RAB1A: variants seen among roughly 807,000 people sequenced by gnomAD.
The protein encoded by RAB1A is ras-related protein Rab-1A.
RAB1A carries 2 observed loss-of-function variants against 26.0 expected under a neutral mutation model. The ratio of observed to expected loss-of-function variants is 0.08; its 90% CI spans 0.03 to 0.24. The LOEUF (loss-of-function observed/expected upper bound fraction) is 0.24, where lower values mean the gene tolerates loss of function less well. Ranked by LOEUF, RAB1A falls within the 10% of genes least tolerant of loss-of-function variation. The pLI, the probability that RAB1A is intolerant of heterozygous loss-of-function variation, is 1.00. For synonymous variants in RAB1A, 84 were observed against 84.9 expected (o/e 0.99, Z 0.06); for missense variants, 100 against 247.0 (o/e 0.40, Z 3.99).
intron 1 of RAB1A, among the ~76,000 whole-genome samples, chr2:65,109,539 A>AC (rs2103857932): frequency 6.7e-6 from 1 of 149,514 alleles, no homozygotes; most frequent in South Asian, 2.1e-4. Flanking sequence ...CCCCGTCTCT[A>AC]CTAAAAAAAA....
At chr2:65,114,864 CAA>C (rs35748219) in intron 1 of RAB1A, among the ~76,000 whole-genome samples, 1 of 146,792 alleles carries the variant, frequency 6.8e-6, no homozygotes, top group East Asian at 2.0e-4. Flanking sequence ...AAAAAAAAAA[CAA>C]AAAAAAAACC....
rs183264570 is a variant in RAB1A, at chr2:65,088,916, T to C, written c.420+23A>G. On this transcript the variant is annotated intron_variant, in intron 5 of 5. Coordinates refer to ENST00000409784, the MANE Select transcript of RAB1A (RefSeq NM_004161.5). ...TAATTCAACACCTTCAAATTCAGTA[T>C]GAAAATTAAACTTTAAACATACCTT... The C allele has an allele frequency of 1.3e-4, 211 of 1,582,034 alleles. No homozygotes were observed. In the African/African-American group the frequency reaches 2.5e-3, roughly 18 times the overall value.
intron 2 of RAB1A, 64 bp from the exon 3 acceptor site, chr2:65,098,130 G>GGA: frequency 2.5e-5 from 18 of 730,912 alleles, no homozygotes; most frequent in South Asian, 8.2e-5. Context: ...AGTCTAAGTG[G>GGA]AAAAAAAAAA....
intron 1 of RAB1A, among the ~76,000 whole-genome samples, chr2:65,115,038 C>T (rs1669793849): frequency 1.3e-5 from 2 of 152,112 alleles, no homozygotes; most frequent in South Asian, 4.2e-4. Context: ...TTGACATACT[C>T]ACTTGCCTTT....
chr2:65,104,822 G>C lies in RAB1A; in HGVS notation c.24-16C>G. On this transcript the variant is annotated splice_polypyrimidine_tract_variant and intron_variant, in intron 1 of 5. Coordinates refer to ENST00000409784, the MANE Select transcript of RAB1A (RefSeq NM_004161.5). ...TAAATAATCACTGCAAAAAGAAAAA[G>C]AAAATGATGTTAATAAAAAGCACAC... 1.9e-6 allele frequency: 3 copies of C among 1,591,482 alleles called. No individual in the cohort carries two copies. Among genetic ancestry groups the C allele is most frequent in the Non-Finnish European group, 2.6e-6 (3 of 1,160,028 alleles).
At chr2:65,103,853 A>G (rs1669494287) in intron 2 of RAB1A, among the ~76,000 whole-genome samples, 1 of 151,672 alleles carries the variant, frequency 6.6e-6, no homozygotes, top group Non-Finnish European at 1.5e-5. Flanking sequence ...ATCTCAGCTC[A>G]CTGCAACCTC....
At chr2:65,095,234 C>T (rs191779232) in intron 3 of RAB1A, among the ~76,000 whole-genome samples, 37 of 152,158 alleles carry the variant, frequency 2.4e-4, no homozygotes, top group Admixed American at 2.1e-3. Context: ...GAGGTTTCGC[C>T]ATGTTGCTCA....
intron 1 of RAB1A, among the ~76,000 whole-genome samples, chr2:65,119,841 C>CCA (rs1236103011): frequency 0.34 from 13,705 of 39,902 alleles, 2,484 homozygotes; most frequent in East Asian, 0.5. Flanking sequence ...CCTGTCTCTA[C>CCA]AAAAAAAAAA....
At chr2:65,106,546 T>C (rs1669565455) in intron 1 of RAB1A, among the ~76,000 whole-genome samples, 1 of 151,166 alleles carries the variant, frequency 6.6e-6, no homozygotes, top group Non-Finnish European at 1.5e-5. Flanking sequence ...AATTACCATA[T>C]TATACTTATT....
At chr2:65,107,807 T>C (rs926319269) in intron 1 of RAB1A, among the ~76,000 whole-genome samples, 2 of 152,252 alleles carry the variant, frequency 1.3e-5, no homozygotes, top group African/African-American at 4.8e-5. Context: ...AGTATCACCT[T>C]AAAGATCAAC....
intron 1 of RAB1A, among the ~76,000 whole-genome samples, chr2:65,129,108 A>C (rs945060476): frequency 4.6e-5 from 7 of 151,696 alleles, no homozygotes; most frequent in African/African-American, 7.3e-5. Flanking sequence ...AGCTTCCTTT[A>C]ATCTGCGAGT....
intron 1 of RAB1A, among the ~76,000 whole-genome samples, chr2:65,113,494 A>AATATT (rs1669751752): frequency 5.9e-5 from 9 of 152,236 alleles, no homozygotes; most frequent in Admixed American, 5.9e-4. Flanking sequence ...CTAGGCAACA[A>AATATT]GAGTGAGACC....
chr2:65,119,065 G>A (rs539241986), intron 1 of RAB1A, among the ~76,000 whole-genome samples: 55 of 152,072 alleles, frequency 3.6e-4, no homozygotes, highest in African/African-American at 1.2e-3. Flanking sequence ...AAAACTGCCA[G>A]GCATGGGTGT....
chr2:65,118,960 G>A (rs940157828), intron 1 of RAB1A, among the ~76,000 whole-genome samples: 1 of 151,568 alleles, frequency 6.6e-6, no homozygotes, highest in African/African-American at 2.4e-5. Flanking sequence ...AGGTCAAAGA[G>A]TGAGGATTGC....
intron 1 of RAB1A, among the ~76,000 whole-genome samples, chr2:65,120,769 CA>C (rs1396210218): frequency 6.6e-6 from 1 of 152,046 alleles, no homozygotes; most frequent in Non-Finnish European, 1.5e-5. Flanking sequence ...ATCAAGATAC[CA>C]GAAAATATCT....
At chr2:65,103,194 T>C (rs996471204) in intron 2 of RAB1A, among the ~76,000 whole-genome samples, 2 of 149,998 alleles carry the variant, frequency 1.3e-5, no homozygotes, top group East Asian at 2.0e-4. Flanking sequence ...GCGCATCCAC[T>C]TGGGAGGTCC....
intron 1 of RAB1A, among the ~76,000 whole-genome samples, chr2:65,116,679 C>G (rs1213460345): frequency 1.3e-5 from 2 of 152,184 alleles, no homozygotes; most frequent in South Asian, 4.1e-4. Flanking sequence ...ATTATTTATC[C>G]AAGGCTTCTG....
intron 2 of RAB1A, among the ~76,000 whole-genome samples, chr2:65,101,261 T>G (rs556710955): frequency 6.6e-6 from 1 of 152,176 alleles, no homozygotes; most frequent in Non-Finnish European, 1.5e-5. Flanking sequence ...TATCTCTCTC[T>G]GCATAACCCT....
intron 2 of RAB1A, among the ~76,000 whole-genome samples, chr2:65,100,330 G>A (rs561503320): frequency 1.3e-5 from 2 of 150,616 alleles, no homozygotes; most frequent in South Asian, 2.1e-4. Flanking sequence ...GAACCCGGGA[G>A]GTGAAGGTTG....
Sources: allele counts gnomAD v4.1 joint callset (sites outside exome capture counted in the v4.1 genomes callset), GRCh38; gene constraint gnomAD v4.1.1; transcripts MANE v1.5; gene names NCBI Gene and HGNC (gene_info 2026-07-23, HGNC 2026-07-21).